The following DIAPH2 variants were observed in gnomAD, a reference collection of about 807,000 sequenced individuals.
DIAPH2 encodes protein diaphanous homolog 2.
In DIAPH2, 35 loss-of-function variants were observed where a neutral mutation model predicts 92.7. That is an observed-to-expected ratio of 0.38 (90% CI 0.29 to 0.50). The LOEUF (loss-of-function observed/expected upper bound fraction) is 0.50, where lower values mean the gene tolerates loss of function less well. Ranked by LOEUF, DIAPH2 falls within the 20% of genes least tolerant of loss-of-function variation. DIAPH2 has a pLI of 0.94. For missense variants in DIAPH2, 701 were observed against 819.5 expected, an observed-to-expected ratio of 0.86 and a Z score of 1.77; for synonymous variants, 301 against 280.4, an observed-to-expected ratio of 1.07 and a Z score of -0.73.
At position 96,918,706 on chromosome X, in the gene DIAPH2, A is replaced by G. The variant is rs916971454; in HGVS notation, c.978+89A>G. 31 of 651,720 alleles carry G rather than the reference A, an allele frequency of 4.8e-5. No individual in the cohort carries two copies. The South Asian group carries it at 9.5e-4, about 20-fold the overall frequency. The allele number at this position is 651,720 out of a possible 1,213,427, so 53.7% of individuals were successfully genotyped here. A position where few individuals can be genotyped will look rare whatever the true frequency, so the allele number is the denominator to read the frequency against. On this transcript the variant is annotated intron_variant, in intron 9 of 26. Transcript: ENST00000324765. ...TCAACTCCATTTTAGCTGGCATTTA[A>G]GTAGTATGGAATGTAAAACTAAAAT...
intron 24 of DIAPH2, among the ~76,000 whole-genome samples, chrX:97,372,977 CAAAA>C (rs1014296213): frequency 1.1e-5 from 1 of 92,601 alleles, no homozygotes; most frequent in Non-Finnish European, 2.2e-5. Context: ...AACTCCGTCT[CAAAA>C]AAAAAAAAGA....
chrX:96,969,235 A>G (rs2065912199), intron 17 of DIAPH2, among the ~76,000 whole-genome samples: 1 of 111,760 alleles, frequency 8.9e-6, no homozygotes, highest in African/African-American at 3.3e-5. Flanking sequence ...TGTGAATTTT[A>G]GAATAGTTTT....
chrX:97,360,351 C>T (rs751221281), intron 24 of DIAPH2, among the ~76,000 whole-genome samples: 5 of 110,297 alleles, frequency 4.5e-5, no homozygotes, highest in African/African-American at 9.9e-5. Context: ...CGGTGGCTCA[C>T]GCCTGTAATC....
At position 97,145,897 on chromosome X, in the gene DIAPH2, C is replaced by T. The variant is rs756563258; in HGVS notation, c.2719+4103C>T. 1.8e-4 allele frequency among the ~76,000 whole-genome samples: 20 copies of T among 108,310 alleles called. No homozygotes were observed. The South Asian group carries it at 2.1e-3, about 11-fold the overall frequency. 94.1% of individuals were successfully genotyped at this position (108,310 alleles called of 115,157 possible). Reference sequence around the variant, plus strand: ...TTTATAATAATCCTGTCTCTGTGTACGATTTCATGCTGCATCCTCTGGCTG... The same window carrying T: ...TTTATAATAATCCTGTCTCTGTGTATGATTTCATGCTGCATCCTCTGGCTG... On this transcript the variant is annotated intron_variant, in intron 22 of 26. Transcript: ENST00000324765.
intron 21 of DIAPH2, among the ~76,000 whole-genome samples, chrX:97,135,917 A>G (rs1414386477): frequency 8.9e-6 from 1 of 112,100 alleles, no homozygotes; most frequent in Admixed American, 9.5e-5. Context: ...TGCCGAGGTC[A>G]GGAGGAACAT....
intron 5 of DIAPH2, among the ~76,000 whole-genome samples, chrX:96,898,097 T>C (rs1221860621): frequency 8.6e-5 from 8 of 93,417 alleles, no homozygotes; most frequent in Middle Eastern, 5.2e-3. Context: ...GGTGTATATG[T>C]GCCACATTTT....
chrX:96,774,116 C>T (rs1011001919), intron 4 of DIAPH2, among the ~76,000 whole-genome samples: 1 of 111,547 alleles, frequency 9.0e-6, no homozygotes, highest in Non-Finnish European at 1.9e-5. Context: ...AGAATTATCA[C>T]CCCCATTTTA....
chrX:96,878,180 C>A (rs903297247), intron 4 of DIAPH2, among the ~76,000 whole-genome samples: 1 of 111,812 alleles, frequency 8.9e-6, no homozygotes, highest in Non-Finnish European at 1.9e-5. Context: ...TATTTTCTTG[C>A]ACCATATTGA....
chrX:96,867,550 T>C (rs1231359072), intron 4 of DIAPH2, among the ~76,000 whole-genome samples: 1 of 111,361 alleles, frequency 9.0e-6, no homozygotes, highest in Non-Finnish European at 1.9e-5. Context: ...GATAGGACTT[T>C]GGGGTAAGCA....
intron 22 of DIAPH2, among the ~76,000 whole-genome samples, chrX:97,236,168 C>T (rs5920864): frequency 0.023 from 2,566 of 111,386 alleles, 29 homozygotes; most frequent in Middle Eastern, 0.041. Flanking sequence ...GGTGAAAATT[C>T]GTGGCTTTGT....
intron 23 of DIAPH2, among the ~76,000 whole-genome samples, chrX:97,286,252 T>C (rs758287499): frequency 9.9e-4 from 107 of 108,181 alleles, no homozygotes; most frequent in Non-Finnish European, 1.8e-3. Flanking sequence ...GGTTTTACCA[T>C]GTTGGCCACG....
At chrX:97,406,373 G>A (rs1170841697) in intron 25 of DIAPH2, among the ~76,000 whole-genome samples, 1 of 111,655 alleles carries the variant, frequency 9.0e-6, no homozygotes, top group Non-Finnish European at 1.9e-5. Flanking sequence ...CCTCTAAACT[G>A]GATATAAAGA....
At position 97,410,238 on chromosome X, in the gene DIAPH2, C is replaced by T. The variant is rs368708707; in HGVS notation, c.3146-19412C>T. On this transcript the variant is annotated intron_variant, in intron 25 of 26. Coordinates refer to ENST00000324765, the MANE Select transcript of DIAPH2 (RefSeq NM_006729.5). ...CTGTTCTGCAATATTTGCTGTTCTGCAGCCTCTGCTGGTGATACCCAGGCA... is the reference window on the plus strand; with the variant it reads ...CTGTTCTGCAATATTTGCTGTTCTGTAGCCTCTGCTGGTGATACCCAGGCA... Among the ~76,000 whole-genome samples, 4 of 112,326 alleles carry T rather than the reference C, an allele frequency of 3.6e-5. No homozygotes were observed. In the South Asian group the frequency reaches 1.1e-3, roughly 31 times the overall value.
At chrX:97,402,751 C>T (rs1387746937) in intron 25 of DIAPH2, among the ~76,000 whole-genome samples, 2 of 112,086 alleles carry the variant, frequency 1.8e-5, no homozygotes, top group Non-Finnish European at 3.8e-5. Context: ...CAGCCTCTAA[C>T]GGAAGTGACT....
At chrX:97,425,940 T>C (rs2070059333) in intron 25 of DIAPH2, among the ~76,000 whole-genome samples, 1 of 110,481 alleles carries the variant, frequency 9.1e-6, no homozygotes, top group Non-Finnish European at 1.9e-5. Context: ...TCTTCTAATA[T>C]ACTTTTTCAG....
At chrX:96,807,888 A>G (rs1270916609) in intron 4 of DIAPH2, among the ~76,000 whole-genome samples, 1 of 88,520 alleles carries the variant, frequency 1.1e-5, no homozygotes, top group African/African-American at 4.3e-5. Flanking sequence ...CTATGAGGCT[A>G]TTGGGGAGGA....
chrX:97,185,474 CATAT>C (rs1180330581), intron 22 of DIAPH2, among the ~76,000 whole-genome samples: 379 of 10,419 alleles, frequency 0.036, 20 homozygotes, highest in Middle Eastern at 0.083. Flanking sequence ...TATATATACA[CATAT>C]ATATATATAT....
chrX:96,862,436 G>A (rs1193646176), intron 4 of DIAPH2, among the ~76,000 whole-genome samples: 1 of 111,667 alleles, frequency 9.0e-6, no homozygotes, highest in Non-Finnish European at 1.9e-5. Context: ...AGATTAATGA[G>A]CATTCATCCT....
chrX:97,233,721 T>C (rs2068025936), intron 22 of DIAPH2, among the ~76,000 whole-genome samples: 1 of 112,118 alleles, frequency 8.9e-6, no homozygotes, highest in African/African-American at 3.2e-5. Flanking sequence ...CCTTTTATAC[T>C]GACTGGGATA....
Sources: allele counts gnomAD v4.1 joint callset (sites outside exome capture counted in the v4.1 genomes callset), GRCh38; gene constraint gnomAD v4.1.1; transcripts MANE v1.5; gene names NCBI Gene and HGNC (gene_info 2026-07-23, HGNC 2026-07-21).